Variants in FANCA observed in about 807,000 individuals in gnomAD.
The protein encoded by FANCA is FA complementation group A, also known as Fanconi anemia group A protein.
FANCA carries 236 observed loss-of-function variants against 194.3 expected under a neutral mutation model. That is an observed-to-expected ratio of 1.21 (90% CI 1.09 to 1.35). The LOEUF is 1.35. FANCA is among the 40% of genes most tolerant of loss of function. FANCA has a pLI of 0.00. For missense variants in FANCA, 2,628 were observed against 1,813.9 expected, an observed-to-expected ratio of 1.45 and a Z score of -8.15; for synonymous variants, 1,014 against 715.8, an observed-to-expected ratio of 1.42 and a Z score of -6.65.
chr16:89,764,828 G>A (rs1016950333), intron 28 of FANCA, 62 bp downstream of exon 28: 8 of 1,571,702 alleles, frequency 5.1e-6, no homozygotes, highest in African/African-American at 2.7e-5. Flanking sequence ...CTTGCCCGAG[G>A]AGCACACACA....
intron 37 of FANCA, among the ~76,000 whole-genome samples, chr16:89,742,026 C>T (rs150827825): frequency 0.052 from 7,824 of 151,836 alleles, 625 homozygotes; most frequent in African/African-American, 0.17. Flanking sequence ...AGGGCAGTGG[C>T]GTGATCTTGG....
At chr16:89,809,895 A>C (rs1419051234) in intron 5 of FANCA, among the ~76,000 whole-genome samples, 1 of 151,224 alleles carries the variant, frequency 6.6e-6, no homozygotes, top group Non-Finnish European at 1.5e-5. Flanking sequence ...GCATGGTGGC[A>C]CGCGCCTGTA....
intron 30 of FANCA, among the ~76,000 whole-genome samples, chr16:89,755,600 G>C (rs990366923): frequency 5.3e-5 from 8 of 152,130 alleles, no homozygotes; most frequent in Non-Finnish European, 1.0e-4. Context: ...AAACCTTTGT[G>C]CATTAAACGA....
chr16:89,761,122 C>T (rs1172972206), intron 29 of FANCA, among the ~76,000 whole-genome samples: 3 of 152,086 alleles, frequency 2.0e-5, no homozygotes, highest in East Asian at 1.9e-4. Flanking sequence ...GAATAACAAC[C>T]GAAATTGGGC....
At chr16:89,765,521 C>G (rs1234303150) in intron 27 of FANCA, among the ~76,000 whole-genome samples, 1 of 152,256 alleles carries the variant, frequency 6.6e-6, no homozygotes, top group African/African-American at 2.4e-5. Flanking sequence ...TGTCTGGAAG[C>G]AGAATTGCAG....
At chr16:89,759,318 T>TAACAAAAAAAAAAAAAAAAAA (rs2038866330) in intron 29 of FANCA, among the ~76,000 whole-genome samples, 3 of 75,180 alleles carry the variant, frequency 4.0e-5, no homozygotes, top group Non-Finnish European at 7.7e-5. Context: ...AGACTCCGTC[T>TAACAAAAAAAAAAAAAAAAAA]AAAAAAAAAA....
intron 14 of FANCA, among the ~76,000 whole-genome samples, chr16:89,786,055 G>A (rs2039887075): frequency 2.2e-5 from 3 of 134,984 alleles, no homozygotes; most frequent in South Asian, 4.6e-4. Context: ...GTCTCACTCT[G>A]TCATCCAGGC....
rs199779374 is a variant in FANCA, at chr16:89,803,793, G to T, written c.710-452C>A. ...CCGCCACCACACCCAGCTAATTTTT[G>T]TATTTTTAGTAGAGATGGGGTTTCA... On this transcript the variant is annotated intron_variant, in intron 7 of 42. Transcript: ENST00000389301. 7.2e-5 allele frequency among the ~76,000 whole-genome samples: 11 copies of T among 151,992 alleles called. No homozygotes were observed. The East Asian group carries it at 1.7e-3, about 24-fold the overall frequency.
intron 26 of FANCA, chr16:89,769,584 G>C (rs2039249705): frequency 5.5e-6 from 3 of 547,300 alleles, no homozygotes; most frequent in South Asian, 4.0e-5. Context: ...TAACGATATA[G>C]ACAGTTACTA....
At chr16:89,777,524 G>C (rs2039550436) in intron 20 of FANCA, among the ~76,000 whole-genome samples, 1 of 149,966 alleles carries the variant, frequency 6.7e-6, no homozygotes, top group Non-Finnish European at 1.5e-5. Flanking sequence ...AGGAGTTTGA[G>C]ACCAGTCTGG....
chr16:89,805,916 CT>C (rs910788164), intron 6 of FANCA, among the ~76,000 whole-genome samples: 3 of 149,174 alleles, frequency 2.0e-5, no homozygotes, highest in Non-Finnish European at 4.5e-5. Flanking sequence ...TGGCCTGAAC[CT>C]TTTTTTTTTC....
Position 89,738,369 on chromosome 16 carries a change from C to A in FANCA, c.*232G>T. 6.9e-7 allele frequency: 1 copy of A among 1,448,418 alleles called. No homozygotes were observed. Among genetic ancestry groups the A allele is most frequent in the Non-Finnish European group, 9.2e-7 (1 of 1,087,390 alleles). 89.7% of individuals were successfully genotyped at this position (1,448,418 alleles called of 1,614,324 possible). On this transcript the variant is annotated 3_prime_UTR_variant, in exon 43 of 43. Coordinates refer to ENST00000389301, the MANE Select transcript of FANCA (RefSeq NM_000135.4). The stretch of plus-strand genomic sequence containing the variant: ...TGCTGCCCGCCCTTGGTGCTGGAGG[C>A]GGGCTTGGTGTCCGGCTCAAGTAGC...
rs369696798 is a variant in FANCA, at chr16:89,744,534, G to A, written c.3626+425C>T. Among the ~76,000 whole-genome samples, 75 of 152,174 alleles carry A rather than the reference G, an allele frequency of 4.9e-4. 1 individual carries two copies. The East Asian group carries it at 5.8e-3, about 12-fold the overall frequency. The stretch of plus-strand genomic sequence containing the variant: ...CATGACACTGACCCTACCAGCACGC[G>A]GTGCACTCTAGGAGCCCACATTAGA... On this transcript the variant is annotated intron_variant, in intron 36 of 42. Transcript: ENST00000389301.
chr16:89,747,773 C>G (rs1168287639), intron 33 of FANCA, among the ~76,000 whole-genome samples: 7 of 152,096 alleles, frequency 4.6e-5, no homozygotes, highest in Non-Finnish European at 7.4e-5. Flanking sequence ...TGAATTCCAT[C>G]TCTCACATTT....
chr16:89,757,044 T>C (rs1313096836), intron 30 of FANCA, among the ~76,000 whole-genome samples: 1 of 152,196 alleles, frequency 6.6e-6, no homozygotes. Context: ...AGTGGTGTTT[T>C]CACAGCTCAT....
rs1247448931 is a variant in FANCA, at chr16:89,767,150, A to G, written c.2592T>C (p.Leu864=). ...DTLCSCLSPG[L]IKKFQFLMFR... The stretch of plus-strand genomic sequence containing the variant: ...AAAAGAGTGAACCTACCTTTTTAAT[A>G]AGGCCTGGAGATAAGCAGCTGCACA... The change falls in exon 27 of 43, where the codon CTT becomes CTC. Residue 864 remains leucine, a synonymous_variant. Transcript: ENST00000389301. The G allele has an allele frequency of 6.2e-7, 1 of 1,608,310 alleles. No homozygotes were observed. Among genetic ancestry groups the G allele is most frequent in the Non-Finnish European group, 8.5e-7 (1 of 1,174,784 alleles).
intron 1 of FANCA, 108 bp downstream of exon 1, chr16:89,816,429 G>A (rs1457473276): frequency 1.3e-5 from 13 of 1,038,120 alleles, no homozygotes; most frequent in African/African-American, 1.7e-5. Context: ...CGGGCGCGGC[G>A]TCCGGGGATC....
chr16:89,776,424 C>T (rs1043001611), intron 20 of FANCA, among the ~76,000 whole-genome samples: 1 of 151,800 alleles, frequency 6.6e-6, no homozygotes, highest in African/African-American at 2.4e-5. Flanking sequence ...GCCTCAGCCT[C>T]CCAAAGTGCT....
chr16:89,757,086 C>G (rs2038792304), intron 30 of FANCA, among the ~76,000 whole-genome samples: 1 of 152,148 alleles, frequency 6.6e-6, no homozygotes, highest in Non-Finnish European at 1.5e-5. Flanking sequence ...TCATGCAATC[C>G]CACCTCAGCC....
Sources: gnomAD v4.1 joint callset for allele counts (sites outside exome capture counted in the v4.1 genomes callset) on GRCh38, gnomAD v4.1.1 for gene constraint, MANE v1.5 for transcripts, NCBI Gene and HGNC (gene_info 2026-07-23, HGNC 2026-07-21) for gene names.